Variants in FBXL7 observed in about 807,000 individuals in gnomAD.
FBXL7 encodes the protein F-box/LRR-repeat protein 7.
FBXL7 carries 12 observed loss-of-function variants against 38.3 expected under a neutral mutation model. That is an observed-to-expected ratio of 0.31 (90% CI 0.20 to 0.51). The LOEUF is 0.51. FBXL7 is among the 20% of genes least tolerant of loss of function. The pLI is 0.98. For synonymous variants in FBXL7, 297 were observed against 300.9 expected (o/e 0.99, Z 0.13); for missense variants, 567 against 676.4 (o/e 0.84, Z 1.79).
At chr5:15,862,826 G>A (rs1168875427) in intron 2 of FBXL7, among the ~76,000 whole-genome samples, 1 of 152,214 alleles carries the variant, frequency 6.6e-6, no homozygotes, top group East Asian at 1.9e-4. Context: ...AACTCCCTGA[G>A]AGTCCAGCTG....
intron 2 of FBXL7, among the ~76,000 whole-genome samples, chr5:15,643,520 C>G (rs1290066537): frequency 1.3e-5 from 2 of 152,154 alleles, no homozygotes; most frequent in Non-Finnish European, 2.9e-5. Context: ...TCCTTTTTAT[C>G]TTCTTTACTT....
chr5:15,696,084 T>C (rs1397051116), intron 2 of FBXL7, among the ~76,000 whole-genome samples: 2 of 152,200 alleles, frequency 1.3e-5, no homozygotes, highest in Admixed American at 6.5e-5. Context: ...CCTTTGTGTC[T>C]TTCTTGCTTA....
chr5:15,601,579 C>G (rs1739794565), intron 1 of FBXL7, among the ~76,000 whole-genome samples: 1 of 152,144 alleles, frequency 6.6e-6, no homozygotes, highest in Non-Finnish European at 1.5e-5. Context: ...ATATTGCCTG[C>G]TCTTTTAGAC....
At chr5:15,641,956 T>C (rs1310066095) in intron 2 of FBXL7, among the ~76,000 whole-genome samples, 6 of 142,482 alleles carry the variant, frequency 4.2e-5, no homozygotes, top group African/African-American at 1.5e-4. Context: ...TGTGTGTGTG[T>C]GTGTGTGTGT....
intron 2 of FBXL7, among the ~76,000 whole-genome samples, chr5:15,764,344 T>C (rs1488794162): frequency 2.6e-5 from 4 of 152,206 alleles, no homozygotes; most frequent in Non-Finnish European, 5.9e-5. Context: ...TAAATGAAAA[T>C]GCAAGTATAG....
chr5:15,549,165 T>C (rs1737995604), intron 1 of FBXL7, among the ~76,000 whole-genome samples: 1 of 152,218 alleles, frequency 6.6e-6, no homozygotes, highest in East Asian at 1.9e-4. Flanking sequence ...TAAGATTTAA[T>C]TTCCTTTCAC....
chr5:15,914,226 CAT>C (rs1157058802), intron 2 of FBXL7, among the ~76,000 whole-genome samples: 2 of 151,744 alleles, frequency 1.3e-5, no homozygotes, highest in East Asian at 1.9e-4. Context: ...CTCTACTAAA[CAT>C]ACAAAAAATT....
chr5:15,694,819 A>G (rs1743284918), intron 2 of FBXL7, among the ~76,000 whole-genome samples: 1 of 152,192 alleles, frequency 6.6e-6, no homozygotes, highest in Admixed American at 6.5e-5. Context: ...GAACAAAAAA[A>G]AGATTCTGGA....
intron 2 of FBXL7, among the ~76,000 whole-genome samples, chr5:15,854,931 T>C (rs1317591326): frequency 1.3e-5 from 2 of 152,190 alleles, no homozygotes; most frequent in Non-Finnish European, 2.9e-5. Context: ...AATTTCTTCA[T>C]TAATGTGTTT....
At position 15,927,783 on chromosome 5, in the gene FBXL7, A is replaced by AG. The variant is rs1317301232; in HGVS notation, c.128-107_128-106insG. On this transcript the variant is annotated intron_variant, in intron 2 of 3. Coordinates refer to ENST00000504595, the MANE Select transcript of FBXL7 (RefSeq NM_012304.5). ...AGATCTTAAAAAAAAAAAAAAAAAA[A>AG]AAAAGAAGAAGAAAGAAAAGAAAAG... 212 of 822,788 alleles carry AG rather than the reference A, an allele frequency of 2.6e-4. No individual in the cohort carries two copies. In the African/African-American group the frequency reaches 4.8e-3, roughly 19 times the overall value. The allele number at this position is 822,788 out of a possible 1,614,324, so 51.0% of individuals were successfully genotyped here.
chr5:15,901,391 A>AAT (rs1741230349), intron 2 of FBXL7, among the ~76,000 whole-genome samples: 3 of 152,326 alleles, frequency 2.0e-5, no homozygotes, highest in East Asian at 3.9e-4. Flanking sequence ...GGTTCTGCCC[A>AAT]CATGACCTAA....
At position 15,503,377 on chromosome 5, in the gene FBXL7, C is replaced by T. The variant is rs560102752; in HGVS notation, c.37+2664C>T. 3.3e-5 allele frequency among the ~76,000 whole-genome samples: 5 copies of T among 152,246 alleles called. No individual in the cohort carries two copies. The South Asian group carries it at 6.2e-4, about 19-fold the overall frequency. ...CGGAGGTTGCAGTAAGCTGAGATCA[C>T]GCAACTGCACTCTAGCCTGGGCAAC... is the stretch of plus-strand genomic sequence containing the variant. On this transcript the variant is annotated intron_variant, in intron 1 of 3. Coordinates refer to ENST00000504595, the MANE Select transcript of FBXL7 (RefSeq NM_012304.5).
intron 2 of FBXL7, among the ~76,000 whole-genome samples, chr5:15,633,702 C>T (rs1041273462): frequency 6.0e-5 from 9 of 150,764 alleles, no homozygotes; most frequent in Non-Finnish European, 1.2e-4. Context: ...TAGACTAGGC[C>T]TGACCTTCTG....
At chr5:15,717,014 A>T (rs1026292367) in intron 2 of FBXL7, among the ~76,000 whole-genome samples, 1 of 152,228 alleles carries the variant, frequency 6.6e-6, no homozygotes, top group African/African-American at 2.4e-5. Context: ...TCTTAGAAGC[A>T]AAGAATAATT....
At chr5:15,823,232 A>G (rs1738220234) in intron 2 of FBXL7, among the ~76,000 whole-genome samples, 1 of 152,206 alleles carries the variant, frequency 6.6e-6, no homozygotes, top group Non-Finnish European at 1.5e-5. Context: ...TGTACATTAT[A>G]ACCAGACACT....
intron 2 of FBXL7, among the ~76,000 whole-genome samples, chr5:15,913,609 T>C (rs1741502578): frequency 6.6e-6 from 1 of 152,216 alleles, no homozygotes; most frequent in Non-Finnish European, 1.5e-5. Flanking sequence ...ATGCCATCTA[T>C]TGTAAAGATG....
chr5:15,781,454 C>T (rs764211131), intron 2 of FBXL7, among the ~76,000 whole-genome samples: 50 of 150,428 alleles, frequency 3.3e-4, no homozygotes, highest in East Asian at 5.9e-4. Context: ...TGTGTGCGCG[C>T]GCGTGTGTGT....
intron 2 of FBXL7, among the ~76,000 whole-genome samples, chr5:15,747,149 G>C (rs1024322265): frequency 1.3e-5 from 2 of 152,242 alleles, no homozygotes; most frequent in African/African-American, 4.8e-5. Flanking sequence ...GTGGTTCCTA[G>C]AATCCAGATG....
At chr5:15,708,538 T>C (rs1743760614) in intron 2 of FBXL7, among the ~76,000 whole-genome samples, 1 of 152,236 alleles carries the variant, frequency 6.6e-6, no homozygotes, top group African/African-American at 2.4e-5. Context: ...ACTTCATTGC[T>C]GATGCCAAAC....
Sources: gnomAD v4.1 joint callset for allele counts (sites outside exome capture counted in the v4.1 genomes callset) on GRCh38, gnomAD v4.1.1 for gene constraint, MANE v1.5 for transcripts, NCBI Gene and HGNC (gene_info 2026-07-23, HGNC 2026-07-21) for gene names.